The following KLF12 variants were observed in gnomAD, a reference collection of about 807,000 sequenced individuals.
The protein encoded by KLF12 is KLF transcription factor 12, also known as Krueppel-like factor 12.
In KLF12, 9 loss-of-function variants were observed where a neutral mutation model predicts 37.8. The observed-to-expected ratio is 0.24, with a 90% CI of 0.14 to 0.42. The LOEUF is 0.42. Among genes scored for constraint, KLF12 ranks in the 10% least tolerant of loss-of-function variants. The probability of loss-of-function intolerance (pLI) is 1.00; values close to 1 mark genes in which losing one functional copy is unlikely to be tolerated. For synonymous variants in KLF12, 208 were observed against 202.1 expected (o/e 1.03, Z -0.25); for missense variants, 411 against 516.0 (o/e 0.80, Z 1.97).
upstream of KLF12, among the ~76,000 whole-genome samples, chr13:74,135,673 C>T (rs567719317): frequency 6.6e-6 from 1 of 152,016 alleles, no homozygotes; most frequent in African/African-American, 2.4e-5. Context: ...GCGCGGCGCT[C>T]CGGGCACGAC....
At chr13:73,914,951 A>G (rs1420968251) in intron 3 of KLF12, among the ~76,000 whole-genome samples, 1 of 152,198 alleles carries the variant, frequency 6.6e-6, no homozygotes, top group Non-Finnish European at 1.5e-5. Context: ...CACAAATGGA[A>G]TGGCTTAAAA....
intron 3 of KLF12, among the ~76,000 whole-genome samples, chr13:73,922,098 T>C (rs976107422): frequency 1.3e-5 from 2 of 152,080 alleles, no homozygotes; most frequent in African/African-American, 4.8e-5. Flanking sequence ...CTAGTTTGCA[T>C]TTAACTGAAT....
intron 3 of KLF12, among the ~76,000 whole-genome samples, chr13:73,885,396 T>A (rs759623498): frequency 2.6e-5 from 4 of 152,222 alleles, no homozygotes; most frequent in Admixed American, 6.5e-5. Context: ...CCATATTGGT[T>A]TACATTACTT....
chr13:73,734,323 A>T (rs1025509565), intron 6 of KLF12, among the ~76,000 whole-genome samples: 1 of 152,034 alleles, frequency 6.6e-6, no homozygotes, highest in African/African-American at 2.4e-5. Flanking sequence ...TATCATTCTT[A>T]ACATTATATG....
chr13:74,042,430 A>G (rs1466671867), intron 1 of KLF12, among the ~76,000 whole-genome samples: 2 of 152,150 alleles, frequency 1.3e-5, no homozygotes, highest in Non-Finnish European at 2.9e-5. Flanking sequence ...ACCTGGTAGC[A>G]TTTCACCCTG....
chr13:74,016,332 A>G (rs1007697504), intron 1 of KLF12, among the ~76,000 whole-genome samples: 4 of 152,152 alleles, frequency 2.6e-5, no homozygotes, highest in African/African-American at 9.7e-5. Flanking sequence ...GAATAAAAAC[A>G]ATACGGAGTA....
intron 6 of KLF12, among the ~76,000 whole-genome samples, chr13:73,738,395 A>T (rs891036405): frequency 1.3e-5 from 2 of 150,462 alleles, no homozygotes; most frequent in Non-Finnish European, 3.0e-5. Flanking sequence ...CAGGTGATCC[A>T]CCCGCCTCAG....
At chr13:74,114,168 C>CT (rs1877144062) in intron 1 of KLF12, among the ~76,000 whole-genome samples, 2 of 152,128 alleles carry the variant, frequency 1.3e-5, no homozygotes, top group African/African-American at 4.8e-5. Flanking sequence ...GCTGTGAACA[C>CT]TGATGAACTG....
intron 3 of KLF12, among the ~76,000 whole-genome samples, chr13:73,853,731 C>T (rs914385647): frequency 4.9e-5 from 5 of 102,744 alleles, no homozygotes; most frequent in Admixed American, 8.9e-5. Context: ...AGAGTGAGAC[C>T]CTGTCTAAAA....
intron 3 of KLF12, among the ~76,000 whole-genome samples, chr13:73,913,581 T>C (rs571749236): frequency 6.6e-6 from 1 of 152,326 alleles, no homozygotes; most frequent in Middle Eastern, 3.4e-3. Flanking sequence ...TCACAGAGTA[T>C]ACTGCTCCTC....
the KLF12 span, among the ~76,000 whole-genome samples, chr13:74,278,386 A>T: frequency 6.6e-6 from 1 of 152,154 alleles, no homozygotes; most frequent in Non-Finnish European, 1.5e-5. Flanking sequence ...TGTGTTCATC[A>T]CCGACATGGC....
chr13:74,116,873 A>G (rs1462601579), intron 1 of KLF12, among the ~76,000 whole-genome samples: 1 of 152,164 alleles, frequency 6.6e-6, no homozygotes, highest in Non-Finnish European at 1.5e-5. Context: ...AACATCCCTA[A>G]TATCCCACCA....
chr13:74,032,567 C>T (rs550190758), intron 1 of KLF12, among the ~76,000 whole-genome samples: 6 of 152,284 alleles, frequency 3.9e-5, no homozygotes, highest in Admixed American at 1.3e-4. Flanking sequence ...CAACTCAACG[C>T]TTGCTTTCTC....
At chr13:74,082,649 A>G (rs1874983614) in intron 1 of KLF12, among the ~76,000 whole-genome samples, 1 of 152,126 alleles carries the variant, frequency 6.6e-6, no homozygotes, top group Non-Finnish European at 1.5e-5. Context: ...ACATGTACAT[A>G]TTTTTGTATA....
chr13:73,999,725 G>C (rs1056706067), intron 1 of KLF12, among the ~76,000 whole-genome samples: 5 of 151,962 alleles, frequency 3.3e-5, no homozygotes, highest in Non-Finnish European at 7.4e-5. Context: ...GGGCAACAGA[G>C]GGAGACTCCA....
At chr13:74,225,297 A>G in the KLF12 span, among the ~76,000 whole-genome samples, 3 of 152,072 alleles carry the variant, frequency 2.0e-5, no homozygotes, top group Non-Finnish European at 2.9e-5. Context: ...TAGAATGCCA[A>G]TTTCCCTAAT....
At chr13:74,119,203 C>G (rs576891957) in intron 1 of KLF12, among the ~76,000 whole-genome samples, 1 of 151,902 alleles carries the variant, frequency 6.6e-6, no homozygotes, top group Non-Finnish European at 1.5e-5. Context: ...TGTGGTGGCA[C>G]GTGCCTGTAA....
At chr13:74,074,870 C>T (rs972946590) in intron 1 of KLF12, among the ~76,000 whole-genome samples, 5 of 152,128 alleles carry the variant, frequency 3.3e-5, no homozygotes, top group African/African-American at 1.2e-4. Context: ...ACAGATAATG[C>T]TTGGACTGTT....
the KLF12 span, among the ~76,000 whole-genome samples, chr13:74,147,095 CCCT>C: frequency 3.3e-5 from 5 of 152,180 alleles, no homozygotes; most frequent in Admixed American, 1.3e-4. Flanking sequence ...GCTTTTTATA[CCCT>C]CACTGTGGTT....
Sources: allele counts gnomAD v4.1 joint callset (sites outside exome capture counted in the v4.1 genomes callset), GRCh38; gene constraint gnomAD v4.1.1; transcripts MANE v1.5; gene names NCBI Gene and HGNC (gene_info 2026-07-23, HGNC 2026-07-21).